INO80D: variants seen among roughly 807,000 people sequenced by gnomAD.
INO80D encodes INO80 complex subunit D.
INO80D carries 21 observed loss-of-function variants against 87.6 expected under a neutral mutation model. The observed-to-expected ratio is 0.24, with a 90% CI of 0.17 to 0.35. INO80D has a LOEUF of 0.35. Among genes scored for constraint, INO80D ranks in the 10% least tolerant of loss-of-function variants. The pLI, the probability that INO80D is intolerant of heterozygous loss-of-function variation, is 1.00. For missense variants in INO80D, 982 were observed against 1,280.7 expected (o/e 0.77, Z 3.56); for synonymous variants, 440 against 491.0 (o/e 0.90, Z 1.37).
At chr2:206,025,892 T>C (rs13028887) in intron 6 of INO80D, among the ~76,000 whole-genome samples, 22,855 of 151,812 alleles carry the variant, frequency 0.15, 2,177 homozygotes, top group Non-Finnish European at 0.2. Context: ...TAAAGTAAGA[T>C]AATGTTTTGA....
intron 1 of INO80D, among the ~76,000 whole-genome samples, chr2:206,071,457 T>C (rs1311407979): frequency 6.8e-6 from 1 of 146,258 alleles, no homozygotes; most frequent in Non-Finnish European, 1.5e-5. Flanking sequence ...TCTTCCTTAA[T>C]GTATTGACAT....
At chr2:206,041,426 A>G (rs541300822) in intron 5 of INO80D, among the ~76,000 whole-genome samples, 1 of 152,238 alleles carries the variant, frequency 6.6e-6, no homozygotes, top group African/African-American at 2.4e-5. Context: ...TTAATGCCAC[A>G]TAAGGAAAGA....
chr2:206,009,310 A>G (rs1688107838), intron 9 of INO80D, among the ~76,000 whole-genome samples: 1 of 150,622 alleles, frequency 6.6e-6, no homozygotes, highest in Admixed American at 6.7e-5. Flanking sequence ...TGGTCTCAAG[A>G]AAAAAAAAAT....
intron 10 of INO80D, 115 bp from the exon 11 acceptor site, chr2:206,005,648 A>G: frequency 1.1e-6 from 1 of 877,522 alleles, no homozygotes; most frequent in Non-Finnish European, 1.7e-6. Context: ...CCTCTTGAAA[A>G]GAAAAGTTTC....
At chr2:206,071,442 G>T (rs1689970031) in intron 1 of INO80D, among the ~76,000 whole-genome samples, 1 of 145,308 alleles carries the variant, frequency 6.9e-6, no homozygotes, top group African/African-American at 2.6e-5. Context: ...TTTATTGTGG[G>T]AAACTCTTCC....
chr2:206,030,230 T>G (rs948183756), intron 5 of INO80D, among the ~76,000 whole-genome samples: 1 of 152,144 alleles, frequency 6.6e-6, no homozygotes, highest in African/African-American at 2.4e-5. Flanking sequence ...CCCTGCAATT[T>G]TGGGAGGCCA....
chr2:206,062,229 T>C lies in INO80D; in HGVS notation c.218+570A>G, dbSNP rs1488541826. Among the ~76,000 whole-genome samples the C allele has an allele frequency of 6.6e-6, 1 of 152,204 alleles. No homozygotes were observed. Among genetic ancestry groups the C allele is most frequent in the African/African-American group, 2.4e-5 (1 of 41,468 alleles). On this transcript the variant is annotated intron_variant, in intron 3 of 10. Transcript: ENST00000403263. This position sits in a 1 kb window ranked among gnomAD's most constrained non-coding sequence, Gnocchi z 4.6. ...CCAAAAAAGGTAAGGTTATAAAACA[T>C]GCCAAACACTGGTGAGAAGTCTGAT...
At position 206,004,371 on chromosome 2, in the gene INO80D, G is replaced by A. The variant is rs922603189; in HGVS notation, c.3081C>T (p.Asn1027=). 5.7e-6 allele frequency: 9 copies of A among 1,587,468 alleles called. No individual in the cohort carries two copies. Among genetic ancestry groups the A allele is most frequent in the Non-Finnish European group, 7.7e-6 (9 of 1,166,468 alleles). ...GCCTGCAAACACACAGACACCCTCA[G>A]TTAGGGGAGGGAAAGGGAGAAGATG... The part of the protein sequence containing the change: ...NNASSPFPSP[N] The change falls in exon 11 of 11, where the codon AAC becomes AAT. Residue 1027 remains asparagine (N), a synonymous_variant. Coordinates refer to ENST00000403263, the MANE Select transcript of INO80D (RefSeq NM_017759.5). The surrounding 1 kb of genome is among the most constrained non-coding windows in gnomAD (Gnocchi z 4.9).
chr2:206,004,958 T>C lies in INO80D; in HGVS notation c.2494A>G (p.Ser832Gly). 1 of 1,614,012 alleles carries C rather than the reference T, an allele frequency of 6.2e-7. No homozygotes were observed. The highest frequency in any genetic ancestry group is 1.3e-5 in the African/African-American group (1 of 75,060). ...HSSPHGSHYD[S>G]EHVPSPYSDH... The stretch of plus-strand genomic sequence containing the variant: ...CTGTAGGGAGACGGCACATGCTCAC[T>C]ATCATAATGGCTTCCATGGGGTGAG... Residue 832 changes from serine to glycine, a missense_variant, in exon 11 of 11, where the codon AGT becomes GGT. Coordinates refer to ENST00000403263, the MANE Select transcript of INO80D (RefSeq NM_017759.5). This position sits in a 1 kb window ranked among gnomAD's most constrained non-coding sequence, Gnocchi z 4.9.
Position 205,995,131 on chromosome 2 carries a change from A to G in INO80D, c.*9237T>C, listed in dbSNP as rs182933875. 1.3e-5 allele frequency: 2 copies of G among 152,316 alleles called. No individual in the cohort carries two copies. Among genetic ancestry groups the G allele is most frequent in the African/African-American group, 4.8e-5 (2 of 41,580 alleles). The allele number at this position is 152,316 out of a possible 1,614,324, so 9.4% of individuals were successfully genotyped here. Reference sequence around the variant, plus strand: ...AATTGGTGAATTAAGTTGATCTAGGAGATGGTGGCTGACATACACTAACGG... The same window carrying G: ...AATTGGTGAATTAAGTTGATCTAGGGGATGGTGGCTGACATACACTAACGG... On this transcript the variant is annotated 3_prime_UTR_variant, in exon 11 of 11. Transcript: ENST00000403263.
intron 7 of INO80D, among the ~76,000 whole-genome samples, chr2:206,018,312 T>C (rs1417108572): frequency 6.6e-6 from 1 of 152,140 alleles, no homozygotes; most frequent in Non-Finnish European, 1.5e-5. Flanking sequence ...ATCCAGATAA[T>C]TTATTGTATT....
At chr2:206,017,846 T>C (rs1559435465) in intron 7 of INO80D, 33 bp from the exon 8 acceptor site, 1 of 1,568,840 alleles carries the variant, frequency 6.4e-7, no homozygotes, top group Middle Eastern at 1.7e-4. Context: ...TAAAATACAC[T>C]GAAACTCTAA....
At chr2:206,081,589 C>G (rs1466254058) in intron 1 of INO80D, among the ~76,000 whole-genome samples, 1 of 151,680 alleles carries the variant, frequency 6.6e-6, no homozygotes, top group African/African-American at 2.4e-5. Flanking sequence ...CCTGTCTCTA[C>G]AAAAAATACA....
intron 1 of INO80D, among the ~76,000 whole-genome samples, chr2:206,075,696 C>G (rs1043114087): frequency 3.3e-5 from 5 of 151,636 alleles, no homozygotes; most frequent in Non-Finnish European, 5.9e-5. Flanking sequence ...CCTCGGCCTC[C>G]CAAAGTGCTG....
At position 206,062,516 on chromosome 2, in the gene INO80D, A is replaced by G. The variant is rs543907404; in HGVS notation, c.218+283T>C. On this transcript the variant is annotated intron_variant, in intron 3 of 10. Coordinates refer to ENST00000403263, the MANE Select transcript of INO80D (RefSeq NM_017759.5). This position sits in a 1 kb window ranked among gnomAD's most constrained non-coding sequence, Gnocchi z 4.6. ...AACTTTGAGGGAAAAAAAATCTTTT[A>G]AAAATTCTAGAAGTCCATGAAATCA... 6.6e-6 allele frequency among the ~76,000 whole-genome samples: 1 copy of G among 152,330 alleles called. No homozygotes were observed. Among genetic ancestry groups the G allele is most frequent in the South Asian group, 2.1e-4 (1 of 4,830 alleles).
At chr2:206,046,689 A>G (rs929658561) in intron 4 of INO80D, 77 bp from the exon 5 acceptor site, 2 of 917,566 alleles carry the variant, frequency 2.2e-6, no homozygotes, top group Non-Finnish European at 1.8e-6. Flanking sequence ...GCTACACAAA[A>G]TAACATAACC....
intron 1 of INO80D, among the ~76,000 whole-genome samples, chr2:206,074,050 G>GA (rs759005262): frequency 2.4e-4 from 36 of 149,642 alleles, no homozygotes; most frequent in Non-Finnish European, 4.3e-4. Context: ...ACTTTAAAAA[G>GA]AAAAAAAAAC....
rs555433224 is a variant in INO80D, at chr2:206,056,935, T to C, written c.227A>G (p.Asn76Ser). The C allele has an allele frequency of 2.4e-5, 38 of 1,586,406 alleles. 1 individual carries two copies. The Admixed American group carries it at 3.8e-4, about 16-fold the overall frequency. Reference protein sequence around the residue: ...IPKSEDRRYCNSHLQVLGFIP... With the variant: ...IPKSEDRRYCSSHLQVLGFIP... The stretch of plus-strand genomic sequence containing the variant: ...AAAGCCAAGTACCTGCAAGTGGCTG[T>C]TGCAGTACCTTTAAAATACACACAT... Residue 76 changes from asparagine (N) to serine (S), a missense_variant, in exon 4 of 11, where the codon AAC becomes AGC. Physicochemically the swap from Asn to Ser is conservative, Grantham distance 46 (BLOSUM62 1). Coordinates refer to ENST00000403263, the MANE Select transcript of INO80D (RefSeq NM_017759.5).
rs758670113 is a variant in INO80D at position 206,028,169 on chromosome 2, G to A, written c.1240C>T (p.Pro414Ser). Residue 414 changes from proline to serine, a missense_variant, in exon 6 of 11, where the codon CCA becomes TCA. By Grantham distance (74) the Pro-to-Ser change is moderately conservative (BLOSUM62 -1). Coordinates refer to ENST00000403263, the MANE Select transcript of INO80D (RefSeq NM_017759.5). ...KALLQAASKEPECTGQLIQEL... is the reference protein window; with the variant it reads ...KALLQAASKESECTGQLIQEL... Reference sequence around the variant, plus strand: ...TGTATTAACTGACCAGTGCATTCTGGTTCTTTACTGGCCGCCTGCAGCAAA... The same window carrying A: ...TGTATTAACTGACCAGTGCATTCTGATTCTTTACTGGCCGCCTGCAGCAAA... 1 of 1,584,562 alleles carries A rather than the reference G, an allele frequency of 6.3e-7. No homozygotes were observed. The highest frequency in any genetic ancestry group is 1.3e-5 in the African/African-American group (1 of 74,356).
Sources: gnomAD v4.1 joint callset for allele counts (sites outside exome capture counted in the v4.1 genomes callset) on GRCh38, gnomAD v4.1.1 for gene constraint, Gnocchi (gnomAD v3.1) non-coding constraint, MANE v1.5 for transcripts, NCBI Gene and HGNC (gene_info 2026-07-23, HGNC 2026-07-21) for gene names.